The following ULK4 variants were observed in gnomAD, a reference collection of about 807,000 sequenced individuals.
ULK4 encodes unc-51 like kinase 4.
ULK4 carries 133 observed loss-of-function variants against 160.6 expected under a neutral mutation model. That is an observed-to-expected ratio of 0.83 (90% CI 0.72 to 0.96). The LOEUF is 0.96. Among genes scored for constraint, ULK4 ranks in the 40% least tolerant of loss-of-function variants. The pLI is 0.00. For synonymous variants in ULK4, 534 were observed against 539.8 expected, an observed-to-expected ratio of 0.99 and a Z score of 0.15; for missense variants, 1,580 against 1,499.5, an observed-to-expected ratio of 1.05 and a Z score of -0.89.
chr3:41,772,834 A>G (rs1211878185), intron 21 of ULK4, among the ~76,000 whole-genome samples: 5 of 152,232 alleles, frequency 3.3e-5, no homozygotes, highest in Admixed American at 6.5e-5. Context: ...AAATACTGAC[A>G]AACCAAATCC....
intron 30 of ULK4, among the ~76,000 whole-genome samples, chr3:41,658,665 T>C (rs1003154174): frequency 2.0e-5 from 3 of 151,842 alleles, no homozygotes; most frequent in African/African-American, 7.3e-5. Context: ...AATAAAACTG[T>C]TAATTTTTAA....
intron 29 of ULK4, among the ~76,000 whole-genome samples, chr3:41,669,376 C>T (rs1244189748): frequency 1.3e-5 from 2 of 152,070 alleles, no homozygotes; most frequent in African/African-American, 4.8e-5. Context: ...CCAGGTCCCT[C>T]CCCACTCCCA....
intron 25 of ULK4, among the ~76,000 whole-genome samples, chr3:41,715,036 T>C (rs2037218738): frequency 6.6e-6 from 1 of 152,182 alleles, no homozygotes; most frequent in Non-Finnish European, 1.5e-5. Flanking sequence ...CTGAACAAAA[T>C]ACATTATCAG....
At chr3:41,954,584 C>G (rs1401624731) in intron 2 of ULK4, 38 bp downstream of exon 2, 3 of 1,588,256 alleles carry the variant, frequency 1.9e-6, no homozygotes, top group Middle Eastern at 1.7e-4. Context: ...TATTGTAGCT[C>G]TCTCTTTCCC....
At chr3:41,859,651 TTTTTTG>T (rs1304819061) in intron 17 of ULK4, 5 of 433,060 alleles carry the variant, frequency 1.2e-5, no homozygotes, top group Non-Finnish European at 2.2e-5. Flanking sequence ...AAATTCCTTC[TTTTTTG>T]TTTGTTTTGT....
chr3:41,279,255 T>TAAAAAGAAAAA (rs2079296692), intron 35 of ULK4, among the ~76,000 whole-genome samples: 11 of 43,032 alleles, frequency 2.6e-4, no homozygotes, highest in African/African-American at 1.4e-3. Flanking sequence ...AAAAAAAGAG[T>TAAAAAGAAAAA]AAAAAAAAAA....
chr3:41,637,409 G>A (rs775629959), intron 30 of ULK4, among the ~76,000 whole-genome samples: 5 of 152,126 alleles, frequency 3.3e-5, no homozygotes, highest in Non-Finnish European at 5.9e-5. Flanking sequence ...ATTCTATTGT[G>A]TATATCTACC....
At chr3:41,553,741 T>C (rs1054327957) in intron 32 of ULK4, among the ~76,000 whole-genome samples, 24 of 152,054 alleles carry the variant, frequency 1.6e-4, no homozygotes, top group African/African-American at 5.8e-4. Context: ...CATAAGATAT[T>C]TTGATATAGG....
intron 21 of ULK4, among the ~76,000 whole-genome samples, chr3:41,776,636 T>G (rs1308577923): frequency 7.0e-6 from 1 of 142,400 alleles, no homozygotes; most frequent in East Asian, 1.9e-4. Flanking sequence ...CATGAAGGGT[T>G]GTTGAATTTT....
intron 5 of ULK4, among the ~76,000 whole-genome samples, chr3:41,929,026 G>A (rs1159071045): frequency 6.6e-6 from 1 of 151,532 alleles, no homozygotes; most frequent in Non-Finnish European, 1.5e-5. Flanking sequence ...AAAGCCTGAC[G>A]GAGATATTAA....
chr3:41,645,110 G>A (rs1189920182), intron 30 of ULK4, among the ~76,000 whole-genome samples: 3 of 151,864 alleles, frequency 2.0e-5, no homozygotes, highest in Non-Finnish European at 4.4e-5. Context: ...CTTGCCAGGG[G>A]TCTATCAATT....
At chr3:41,823,057 C>T (rs1243788505) in intron 18 of ULK4, among the ~76,000 whole-genome samples, 1 of 151,436 alleles carries the variant, frequency 6.6e-6, no homozygotes, top group Non-Finnish European at 1.5e-5. Flanking sequence ...CAAAGTAAGT[C>T]AGTCAAGATA....
intron 27 of ULK4, among the ~76,000 whole-genome samples, chr3:41,690,001 C>T (rs865890743): frequency 0.011 from 1,573 of 147,042 alleles, 15 homozygotes; most frequent in African/African-American, 0.038. Flanking sequence ...CGTATGTTTA[C>T]TGCGGCACTA....
chr3:41,643,603 T>C (rs1384654488), intron 30 of ULK4, among the ~76,000 whole-genome samples: 1 of 152,138 alleles, frequency 6.6e-6, no homozygotes, highest in East Asian at 1.9e-4. Context: ...AGCCTTGTAG[T>C]ATAGTTTGAA....
intron 17 of ULK4, among the ~76,000 whole-genome samples, chr3:41,840,898 TGCCCTGCCACCACC>T (rs1287954261): frequency 2.7e-5 from 4 of 150,658 alleles, no homozygotes; most frequent in Non-Finnish European, 4.4e-5. Context: ...GGAGCGCCTC[TGCCCTGCCACCACC>T]CTGTCTGGGA....
chr3:41,420,058 T>C (rs934789084), intron 34 of ULK4, among the ~76,000 whole-genome samples: 2 of 152,048 alleles, frequency 1.3e-5, no homozygotes, highest in African/African-American at 4.8e-5. Context: ...TTATTCCTTT[T>C]TGAGTTCCTC....
intron 13 of ULK4, 27 bp downstream of exon 13, chr3:41,900,698 C>G: frequency 6.4e-7 from 1 of 1,560,876 alleles, no homozygotes; most frequent in African/African-American, 1.4e-5. Flanking sequence ...AAGTCTACAA[C>G]TCAGTTGTTA....
At chr3:41,921,239 T>C (rs757791486) in intron 5 of ULK4, among the ~76,000 whole-genome samples, 2 of 151,738 alleles carry the variant, frequency 1.3e-5, no homozygotes, top group African/African-American at 2.4e-5. Context: ...TTGAACCTAG[T>C]AGGCGAAGGC....
intron 35 of ULK4, among the ~76,000 whole-genome samples, chr3:41,264,916 C>A (rs185250013): frequency 6.6e-6 from 1 of 152,322 alleles, no homozygotes; most frequent in African/African-American, 2.4e-5. Flanking sequence ...AGCAAAAACA[C>A]CTCTGCTGCA....
Sources: gnomAD v4.1 joint callset for allele counts (sites outside exome capture counted in the v4.1 genomes callset) on GRCh38, gnomAD v4.1.1 for gene constraint, MANE v1.5 for transcripts, NCBI Gene and HGNC (gene_info 2026-07-23, HGNC 2026-07-21) for gene names.